Variants in NEO1 observed in about 807,000 individuals in gnomAD.
NEO1 encodes the protein neogenin.
Under a neutral mutation model 159.7 loss-of-function variants are expected in NEO1, and 63 were observed. The observed-to-expected ratio is 0.39, with a 90% CI of 0.32 to 0.49. The LOEUF (loss-of-function observed/expected upper bound fraction) is 0.49, where lower values mean the gene tolerates loss of function less well. Among genes scored for constraint, NEO1 ranks in the 20% least tolerant of loss-of-function variants. The pLI is 0.85. For missense variants in NEO1, 1,615 were observed against 1,831.0 expected, an observed-to-expected ratio of 0.88 and a Z score of 2.15; for synonymous variants, 633 against 662.0, an observed-to-expected ratio of 0.96 and a Z score of 0.67.
intron 7 of NEO1, among the ~76,000 whole-genome samples, chr15:73,211,487 C>T (rs888510519): frequency 9.2e-5 from 14 of 152,118 alleles, no homozygotes; most frequent in South Asian, 2.1e-4. Context: ...GAGGCCGAGG[C>T]GGGCGGATCA....
chr15:73,197,139 C>T (rs542403918), intron 7 of NEO1, among the ~76,000 whole-genome samples: 3 of 152,128 alleles, frequency 2.0e-5, no homozygotes, highest in South Asian at 2.1e-4. Context: ...GTGGGCAGAT[C>T]GCTTGAGCTC....
At chr15:73,233,933 A>G (rs1482370757) in intron 7 of NEO1, among the ~76,000 whole-genome samples, 2 of 152,280 alleles carry the variant, frequency 1.3e-5, no homozygotes, top group African/African-American at 2.4e-5. Flanking sequence ...TAATTTACAG[A>G]TAAGGAAACT....
intron 1 of NEO1, among the ~76,000 whole-genome samples, chr15:73,108,210 T>C (rs998466542): frequency 6.6e-6 from 1 of 152,200 alleles, no homozygotes; most frequent in Non-Finnish European, 1.5e-5. Context: ...TAATGGACTT[T>C]TCCTGAGAAT....
chr15:73,065,057 A>T lies in NEO1; in HGVS notation c.130+12252A>T, dbSNP rs536687841. On this transcript the variant is annotated intron_variant, in intron 1 of 28. Coordinates refer to ENST00000261908, the MANE Select transcript of NEO1 (RefSeq NM_002499.4). ...TATTCATTTAGTGTTTCCTAAATGC[A>T]TCTTTAACTTGTTATTTGTATGATT... Among the ~76,000 whole-genome samples, 3 of 151,754 alleles carry T rather than the reference A, an allele frequency of 2.0e-5. No individual in the cohort carries two copies. The South Asian group carries it at 6.2e-4, about 31-fold the overall frequency.
rs28623014 is a variant in NEO1 at position 73,141,526 on chromosome 15, A to G, written c.1015+5499A>G. Among the ~76,000 whole-genome samples, 272 of 152,296 alleles carry G rather than the reference A, an allele frequency of 1.8e-3. 1 individual carries two copies. Among genetic ancestry groups the G allele is most frequent in the African/African-American group, 6.4e-3 (264 of 41,552 alleles). On this transcript the variant is annotated intron_variant, in intron 5 of 28. Transcript: ENST00000261908. ...ACAGTTACAACAGTCTGTGATACAC[A>G]TGTCTCCCGTGCCACCAAAAAGAAA...
intron 1 of NEO1, among the ~76,000 whole-genome samples, chr15:73,064,107 G>A (rs1040908721): frequency 6.6e-6 from 1 of 152,306 alleles, no homozygotes; most frequent in South Asian, 2.1e-4. Context: ...TTCTTCTTCA[G>A]AGTAGTTACA....
In NEO1 at chr15:73,106,037, TA is replaced by T. The variant is rs201487764; in HGVS notation, c.131-10498del. On this transcript the variant is annotated intron_variant, in intron 1 of 28. Transcript: ENST00000261908. ...TACTGAACTTTTAATGAAAAGTTTC[TA>T]AAAAGTTTCCTTTCTAAATAGACAT... Among the ~76,000 whole-genome samples, 535 of 152,306 alleles carry T rather than the reference TA, an allele frequency of 3.5e-3. 7 individuals carry two copies. In the East Asian group the frequency reaches 0.044, roughly 13 times the overall value.
intron 16 of NEO1, among the ~76,000 whole-genome samples, chr15:73,268,186 T>C (rs1450484462): frequency 6.6e-6 from 1 of 152,216 alleles, no homozygotes; most frequent in Non-Finnish European, 1.5e-5. Flanking sequence ...TAATTTCTTT[T>C]AGAAATAGCT....
Position 73,116,724 on chromosome 15 carries a change from G to A in NEO1, c.315G>A (p.Pro105=), listed in dbSNP as rs549455137. 4.7e-5 allele frequency: 76 copies of A among 1,613,818 alleles called. No homozygotes were observed. The East Asian group carries it at 1.3e-3, about 27-fold the overall frequency. ...CAGATGATCGACGCCAGCTTCTCCC[G>A]GATGGATCTTTATTTATCAGCAATG... The part of the protein sequence containing the change: ...LVSDDRRQLL[P]DGSLFISNVV... The change falls in exon 2 of 29, where the codon CCG becomes CCA. Residue 105 remains proline (P), a synonymous_variant. Transcript: ENST00000261908.
At chr15:73,268,101 CT>C (rs1233392516) in intron 16 of NEO1, among the ~76,000 whole-genome samples, 1 of 151,694 alleles carries the variant, frequency 6.6e-6, no homozygotes, top group East Asian at 1.9e-4. Flanking sequence ...ATTCTCTGTC[CT>C]TTTTTTTAAG....
chr15:73,136,050 A>G (rs2031723724), intron 5 of NEO1, 23 bp downstream of exon 5: 2 of 1,572,446 alleles, frequency 1.3e-6, no homozygotes, highest in African/African-American at 1.4e-5. Flanking sequence ...TTACTGTATA[A>G]TTTAAAAATC....
chr15:73,133,516 C>T (rs2031391296), intron 4 of NEO1, among the ~76,000 whole-genome samples: 1 of 152,154 alleles, frequency 6.6e-6, no homozygotes, highest in South Asian at 2.1e-4. Context: ...TTCATGTAAC[C>T]AAACGCAACC....
At chr15:73,053,663 C>A (rs2067568776) in intron 1 of NEO1, among the ~76,000 whole-genome samples, 1 of 152,084 alleles carries the variant, frequency 6.6e-6, no homozygotes. Context: ...TTAAGGGGAC[C>A]AACGAACAAA....
chr15:73,127,037 C>T (rs1457175643), intron 4 of NEO1, among the ~76,000 whole-genome samples: 21 of 152,098 alleles, frequency 1.4e-4, no homozygotes, highest in Non-Finnish European at 4.4e-5. Flanking sequence ...CGAGACCATC[C>T]TGGCTAACAC....
chr15:73,244,213 C>G (rs1191400936), intron 8 of NEO1, 131 bp from the exon 9 acceptor site: 2 of 1,028,150 alleles, frequency 1.9e-6, no homozygotes, highest in East Asian at 2.7e-5. Flanking sequence ...TGTCCTACCC[C>G]CAAAAGCTTC....
chr15:73,272,389 A>C (rs2041213520), intron 18 of NEO1, 66 bp from the exon 19 acceptor site: 3 of 1,219,178 alleles, frequency 2.5e-6, no homozygotes, highest in South Asian at 2.7e-5. Context: ...CAAGTGGAAA[A>C]GGTTGAAGAA....
In NEO1 at chr15:73,209,951, C is replaced by T. The variant is rs1297138629; in HGVS notation, c.1292-26396C>T. On this transcript the variant is annotated intron_variant, in intron 7 of 28. Transcript: ENST00000261908. ...CCAGGAGGCGGAGGTTGCAGGGAGC[C>T]GAGATCGCACCATTGCACTCCAGCC... Among the ~76,000 whole-genome samples, 5 of 152,068 alleles carry T rather than the reference C, an allele frequency of 3.3e-5. No individual in the cohort carries two copies. In the South Asian group the frequency reaches 6.2e-4, roughly 19 times the overall value.
intron 4 of NEO1, among the ~76,000 whole-genome samples, chr15:73,131,616 G>T (rs2031143240): frequency 6.6e-6 from 1 of 152,154 alleles, no homozygotes; most frequent in African/African-American, 2.4e-5. Context: ...CCTCCTAATT[G>T]TTCTTCCTAC....
chr15:73,183,791 G>C (rs1362425824), intron 7 of NEO1, among the ~76,000 whole-genome samples: 1 of 152,116 alleles, frequency 6.6e-6, no homozygotes, highest in Non-Finnish European at 1.5e-5. Context: ...TGGCTCCTAA[G>C]CACAGGACAA....
Sources: gnomAD v4.1 joint callset for allele counts (sites outside exome capture counted in the v4.1 genomes callset) on GRCh38, gnomAD v4.1.1 for gene constraint, MANE v1.5 for transcripts, NCBI Gene and HGNC (gene_info 2026-07-23, HGNC 2026-07-21) for gene names.